LRTM3: variants seen among roughly 807,000 people sequenced by gnomAD.
LRTM3 encodes leucine-rich repeat transmembrane protein 3.
chr13:102,739,344 A>G, the LRTM3 span: 2 of 1,549,202 alleles, frequency 1.3e-6, no homozygotes, highest in East Asian at 4.9e-5. Context: ...AAACACTTTG[A>G]TTCTATTACA....
At chr13:102,731,778 C>G in the LRTM3 span, 9 of 1,550,922 alleles carry the variant, frequency 5.8e-6, no homozygotes, top group Non-Finnish European at 7.8e-6. Flanking sequence ...TGCTGCTGAA[C>G]CTTTTGTGTG....
At chr13:102,739,777 T>C in the LRTM3 span, 1 of 1,549,102 alleles carries the variant, frequency 6.5e-7, no homozygotes. Context: ...CAATTGTTTC[T>C]TTATTCAATT....
the LRTM3 span, chr13:102,730,031 A>C: frequency 1.3e-6 from 2 of 1,551,570 alleles, no homozygotes; most frequent in South Asian, 1.2e-5. Flanking sequence ...CCTAGACTGA[A>C]TTTCCGCAGT....
chr13:102,742,344 T>G, the LRTM3 span: 1 of 1,548,438 alleles, frequency 6.5e-7, no homozygotes. Context: ...TCTTTATGTC[T>G]TATGATTTTA....
the LRTM3 span, chr13:102,740,175 A>G: frequency 6.5e-7 from 1 of 1,547,992 alleles, no homozygotes; most frequent in Non-Finnish European, 8.7e-7. Context: ...CTATTATTTG[A>G]TATTAAATCA....
chr13:102,731,397 C>G, the LRTM3 span: 1 of 1,551,434 alleles, frequency 6.4e-7, no homozygotes, highest in Non-Finnish European at 8.7e-7. Context: ...CTTGCCATCT[C>G]TGGTATCAGA....
At chr13:102,758,367 T>C in the LRTM3 span, 3 of 1,379,410 alleles carry the variant, frequency 2.2e-6, no homozygotes, top group East Asian at 2.5e-5. Flanking sequence ...ACAACCAACC[T>C]ATTTCATTTA....
chr13:102,744,014 G>A, the LRTM3 span: 25 of 1,550,188 alleles, frequency 1.6e-5, no homozygotes, highest in Non-Finnish European at 2.2e-5. Context: ...CCTCGCTGCT[G>A]TATTGTATAA....
At chr13:102,748,857 TG>T in the LRTM3 span, 6 of 1,550,452 alleles carry the variant, frequency 3.9e-6, no homozygotes, top group Non-Finnish European at 5.2e-6. Context: ...TTTAGTCTTT[TG>T]TTTTCTTTGT....
the LRTM3 span, chr13:102,744,959 G>A: frequency 1.3e-6 from 2 of 1,550,724 alleles, no homozygotes. Context: ...TATTGCACCA[G>A]TTAAAACTTC....
At chr13:102,747,146 A>G in the LRTM3 span, 1 of 1,550,906 alleles carries the variant, frequency 6.4e-7, no homozygotes. Flanking sequence ...TCCCTCATTA[A>G]TGAAATATGG....
At chr13:102,738,080 T>G in the LRTM3 span, 1 of 1,550,918 alleles carries the variant, frequency 6.4e-7, no homozygotes. Context: ...TTCTCTGTCC[T>G]CTTTCCCTTG....
the LRTM3 span, chr13:102,746,493 G>T: frequency 1.9e-6 from 3 of 1,550,814 alleles, no homozygotes; most frequent in Non-Finnish European, 2.6e-6. Context: ...CCTTTAGTTT[G>T]GTTTATCTTT....
At chr13:102,747,223 A>G in the LRTM3 span, 1 of 1,550,630 alleles carries the variant, frequency 6.4e-7, no homozygotes, top group African/African-American at 1.4e-5. Context: ...GATTCTCTGC[A>G]TTTAATCTGC....
the LRTM3 span, chr13:102,731,422 A>C: frequency 4.4e-3 from 6,831 of 1,551,444 alleles, 57 homozygotes; most frequent in Middle Eastern, 0.028. Context: ...GTTGTATTTC[A>C]AGTGCTTTTG....
At chr13:102,748,043 T>C in the LRTM3 span, 3 of 1,551,156 alleles carry the variant, frequency 1.9e-6, no homozygotes, top group Non-Finnish European at 2.6e-6. Flanking sequence ...TTCCTTCTCA[T>C]CTGGTAATTT....
the LRTM3 span, chr13:102,745,958 TC>T: frequency 6.4e-7 from 1 of 1,551,212 alleles, no homozygotes; most frequent in Non-Finnish European, 8.7e-7. Context: ...AAGCTCATTA[TC>T]CTTCTGATAT....
At chr13:102,733,903 AT>A in the LRTM3 span, 1 of 1,551,106 alleles carries the variant, frequency 6.4e-7, no homozygotes, top group Admixed American at 2.0e-5. Context: ...CTGAGTCTCT[AT>A]TTGTTATTTT....
the LRTM3 span, among the ~76,000 whole-genome samples, chr13:102,751,115 A>G: frequency 6.6e-6 from 1 of 152,152 alleles, no homozygotes; most frequent in African/African-American, 2.4e-5. Context: ...GTATCAGTGA[A>G]CTGTGAGAAA....
Sources: allele counts gnomAD v4.1 joint callset (sites outside exome capture counted in the v4.1 genomes callset), GRCh38; gene constraint gnomAD v4.1.1; transcripts MANE v1.5; gene names NCBI Gene and HGNC (gene_info 2026-07-23, HGNC 2026-07-21).